Variants in RAB25 observed in about 807,000 individuals in gnomAD.
RAB25 encodes ras-related protein Rab-25.
RAB25 carries 23 observed loss-of-function variants against 25.2 expected under a neutral mutation model. That is an observed-to-expected ratio of 0.91 (90% CI 0.66 to 1.29). The LOEUF (loss-of-function observed/expected upper bound fraction) is 1.29, where lower values mean the gene tolerates loss of function less well. Among genes scored for constraint, RAB25 ranks in the 50% most tolerant of loss-of-function variants. The pLI, the probability that RAB25 is intolerant of heterozygous loss-of-function variation, is 0.00. For synonymous variants in RAB25, 102 were observed against 111.5 expected (o/e 0.91, Z 0.54); for missense variants, 244 against 277.3 (o/e 0.88, Z 0.85).
rs199867968 is a variant in RAB25 at position 156,066,091 on chromosome 1, G to C, written c.224G>C (p.Arg75Pro). 6.3e-7 allele frequency: 1 copy of C among 1,594,630 alleles called. No individual in the cohort carries two copies. Among genetic ancestry groups the C allele is most frequent in the Non-Finnish European group, 8.6e-7 (1 of 1,166,524 alleles). Residue 75 changes from arginine to proline, a missense_variant, in exon 2 of 5, where the codon CGA (arginine) becomes CCA (proline). Coordinates refer to ENST00000361084, the MANE Select transcript of RAB25 (RefSeq NM_020387.4). ...GACACAGCTGGCCTGGAGCGGTACC[G>C]AGCCATCACCTCGGCGTGAGCCCGG... ...IWDTAGLERY[R>P]AITSAYYRGA...
intron 4 of RAB25, 153 bp from the exon 5 acceptor site, chr1:156,070,007 A>G: frequency 8.3e-7 from 1 of 1,208,718 alleles, no homozygotes; most frequent in Non-Finnish European, 1.2e-6. Context: ...AGGGACCCCT[A>G]TGTCCACACT....
Position 156,061,417 on chromosome 1 carries a change from A to G in RAB25, c.17A>G (p.Glu6Gly). 1 of 1,614,112 alleles carries G rather than the reference A, an allele frequency of 6.2e-7. No homozygotes were observed. Among genetic ancestry groups the G allele is most frequent in the Non-Finnish European group, 8.5e-7 (1 of 1,179,980 alleles). Residue 6 changes from glutamate (E) to glycine (G), a missense_variant, in exon 1 of 5, where the codon GAG becomes GGG. Coordinates refer to ENST00000361084, the MANE Select transcript of RAB25 (RefSeq NM_020387.4). The stretch of plus-strand genomic sequence containing the variant: ...GGAGCCAAGATGGGGAATGGAACTG[A>G]GGAAGATTATAACTTTGTCTTCAAG... Reference protein sequence around the residue: MGNGTEEDYNFVFKVV... With the variant: MGNGTGEDYNFVFKVV...
intron 1 of RAB25, 140 bp downstream of exon 1, chr1:156,061,583 C>A: frequency 1.1e-6 from 1 of 896,024 alleles, no homozygotes; most frequent in Non-Finnish European, 1.8e-6. Context: ...AAGAAAGCTG[C>A]AGGGAGTGGG....
intron 1 of RAB25, among the ~76,000 whole-genome samples, chr1:156,063,948 C>G (rs1409999293): frequency 1.3e-5 from 2 of 152,174 alleles, no homozygotes; most frequent in African/African-American, 4.8e-5. Flanking sequence ...AAACATGAAC[C>G]ATTAGTATCT....
At chr1:156,068,941 G>A (rs1160012309) in intron 3 of RAB25, among the ~76,000 whole-genome samples, 4 of 151,770 alleles carry the variant, frequency 2.6e-5, no homozygotes, top group Admixed American at 6.6e-5. Flanking sequence ...CAGCTGCCTC[G>A]GCCTCCCAAA....
intron 1 of RAB25, 89 bp downstream of exon 1, chr1:156,061,532 A>G (rs373364359): frequency 7.3e-7 from 1 of 1,369,108 alleles, no homozygotes; most frequent in Non-Finnish European, 1.0e-6. Context: ...CTGTTTTTTT[A>G]TCTCTTACCA....
At chr1:156,064,131 C>CAT (rs1647670217) in intron 1 of RAB25, among the ~76,000 whole-genome samples, 2 of 152,106 alleles carry the variant, frequency 1.3e-5, no homozygotes, top group African/African-American at 2.4e-5. Flanking sequence ...CACACACACA[C>CAT]ATATACACAC....
chr1:156,066,026 T>C lies in RAB25; in HGVS notation c.159T>C (p.Thr53=), dbSNP rs771755870. 1.9e-6 allele frequency: 3 copies of C among 1,613,898 alleles called. No homozygotes were observed. The South Asian group carries it at 3.3e-5, about 18-fold the overall frequency. Residue 53 remains threonine (T), a synonymous_variant, in exon 2 of 5, where the codon ACT becomes ACC. Coordinates refer to ENST00000361084, the MANE Select transcript of RAB25 (RefSeq NM_020387.4). ...TCGGGGTTGAGTTCTCCACCCGCAC[T>C]GTGATGTTGGGCACCGCTGCTGTCA... ...TTIGVEFSTR[T]VMLGTAAVKA... is the part of the protein sequence containing the mutation.
rs750081294 is a variant in RAB25 at position 156,061,357 on chromosome 1, G to A, written c.-44G>A. The A allele has an allele frequency of 3.8e-6, 6 of 1,599,118 alleles. No individual in the cohort carries two copies. The highest frequency in any genetic ancestry group is 2.2e-5 in the South Asian group (2 of 90,726). On this transcript the variant is annotated 5_prime_UTR_variant, in exon 1 of 5. Coordinates refer to ENST00000361084, the MANE Select transcript of RAB25 (RefSeq NM_020387.4). ...CATTGAGCCAACACACAGATTTGTC[G>A]CCTCTGTCCCCGAAGACACCTGCAC... is the stretch of plus-strand genomic sequence containing the variant.
At chr1:156,069,791 C>T (rs746229301) in intron 4 of RAB25, 40 bp downstream of exon 4, 46 of 1,536,020 alleles carry the variant, frequency 3.0e-5, no homozygotes, top group Admixed American at 1.0e-4. Flanking sequence ...ATTCCATCCC[C>T]GTGGCTTCTA....
At chr1:156,061,807 C>T (rs932670332) in intron 1 of RAB25, among the ~76,000 whole-genome samples, 7 of 151,898 alleles carry the variant, frequency 4.6e-5, no homozygotes, top group African/African-American at 1.5e-4. Flanking sequence ...TTTTCTGAGA[C>T]GGAGTCTTGC....
chr1:156,070,137 A>T (rs749504553), intron 4 of RAB25, 23 bp from the exon 5 acceptor site: 1 of 1,614,064 alleles, frequency 6.2e-7, no homozygotes, highest in Non-Finnish European at 8.5e-7. Flanking sequence ...TTCTGGCCTG[A>T]TCACTGCCCT....
At chr1:156,067,316 T>TG (rs1647772656) in intron 2 of RAB25, among the ~76,000 whole-genome samples, 1 of 151,714 alleles carries the variant, frequency 6.6e-6, no homozygotes, top group African/African-American at 2.4e-5. Context: ...TGTGTGTATA[T>TG]GGGGTGGATA....
At chr1:156,069,208 G>A (rs1647836418) in intron 3 of RAB25, among the ~76,000 whole-genome samples, 1 of 152,022 alleles carries the variant, frequency 6.6e-6, no homozygotes, top group African/African-American at 2.4e-5. Flanking sequence ...TTTGAGAGGA[G>A]TCTCGCTCCG....
In RAB25 at chr1:156,069,673, A is replaced by G. The variant is rs774732367; in HGVS notation, c.436A>G (p.Asn146Asp). 6.8e-6 allele frequency: 11 copies of G among 1,608,044 alleles called. No individual in the cohort carries two copies. Among genetic ancestry groups the G allele is most frequent in the Non-Finnish European group, 9.4e-6 (11 of 1,174,648 alleles). The change falls in exon 4 of 5, where the codon AAC becomes GAC. Residue 146 changes from asparagine to aspartate, a missense_variant and splice_region_variant. By Grantham distance (23) the Asn-to-Asp change is conservative. Transcript: ENST00000361084. ...PTEEARMFAE[N>D]NGLLFLETSA... ...TGGTGTGTTTCCCTTCCTGGCAGAA[A>G]ACAATGGACTGCTCTTCCTGGAGAC...
intron 1 of RAB25, among the ~76,000 whole-genome samples, chr1:156,063,982 G>A (rs1288995176): frequency 6.6e-6 from 1 of 152,190 alleles, no homozygotes; most frequent in Non-Finnish European, 1.5e-5. Context: ...GAGGCTTAGA[G>A]GCAAAGTAGT....
At chr1:156,068,492 T>G (rs777539021) in intron 3 of RAB25, 29 bp downstream of exon 3, 47 of 1,600,242 alleles carry the variant, frequency 2.9e-5, no homozygotes, top group South Asian at 5.5e-5. Context: ...CCAGGCTGAC[T>G]CCTCCAAGCT....
chr1:156,069,815 G>A (rs1647855131), intron 4 of RAB25, 64 bp downstream of exon 4: 12 of 1,385,204 alleles, frequency 8.7e-6, no homozygotes, highest in Non-Finnish European at 1.0e-6. Context: ...GCAGCAGTAG[G>A]AATGCAGACA....
At chr1:156,068,909 G>A (rs571640544) in intron 3 of RAB25, among the ~76,000 whole-genome samples, 7 of 151,642 alleles carry the variant, frequency 4.6e-5, no homozygotes, top group South Asian at 4.2e-4. Context: ...GGCTGGTCTC[G>A]AACCCCTGAC....
Sources: gnomAD v4.1 joint callset for allele counts (sites outside exome capture counted in the v4.1 genomes callset) on GRCh38, gnomAD v4.1.1 for gene constraint, MANE v1.5 for transcripts, NCBI Gene and HGNC (gene_info 2026-07-23, HGNC 2026-07-21) for gene names.